KRT10: variants seen among roughly 807,000 people sequenced by gnomAD.
The protein encoded by KRT10 is keratin 10, also known as keratin, type I cytoskeletal 10.
A neutral mutation model predicts 59.2 loss-of-function variants in KRT10; 40 were observed. That is an observed-to-expected ratio of 0.68 (90% CI 0.52 to 0.88). The LOEUF is 0.88. KRT10 is among the 40% of genes least tolerant of loss of function. KRT10 has a pLI of 0.00. For synonymous variants in KRT10, 336 were observed against 310.7 expected, an observed-to-expected ratio of 1.08 and a Z score of -0.86; for missense variants, 719 against 749.1, an observed-to-expected ratio of 0.96 and a Z score of 0.47.
At chr17:40,818,707 A>G in intron 7 of KRT10, 80 bp downstream of exon 7, 1 of 1,593,012 alleles carries the variant, frequency 6.3e-7, no homozygotes, top group Non-Finnish European at 8.5e-7. Context: ...TTTTTAAAAC[A>G]ACTCTAGAGC....
intron 6 of KRT10, 34 bp from the exon 7 acceptor site, chr17:40,819,195 A>G (rs751126642): frequency 6.3e-7 from 1 of 1,594,758 alleles, no homozygotes. Flanking sequence ...GGTTATCTCT[A>G]ACGTTGGAAA....
In KRT10 at chr17:40,819,127, C is replaced by G; in HGVS notation, c.1408G>C (p.Gly470Arg). 1.3e-6 allele frequency: 2 copies of G among 1,532,016 alleles called. No individual in the cohort carries two copies. Among genetic ancestry groups the G allele is most frequent in the Non-Finnish European group, 1.7e-6 (2 of 1,149,672 alleles). 94.9% of individuals were successfully genotyped at this position (1,532,016 alleles called of 1,614,324 possible). Residue 470 changes from glycine to arginine, a missense_variant, in exon 7 of 8, where the codon GGC becomes CGC. By Grantham distance (125) the Gly-to-Arg change is moderately radical. Around this residue, in one of 4 missense-constraint regions of KRT10, gnomAD observed 315 missense variants for 270.6 expected, o/e 1.16. Transcript: ENST00000269576. The part of the protein sequence containing the change: ...GGGGRGGGSF[G>R]GGYGGGSSGG... ...GAGCTTCCGCCGCCGTAGCCGCCGC[C>G]GAAACTTCCGCCGCCGCGTCCGCCG... is the stretch of plus-strand genomic sequence containing the variant.
At position 40,818,954 on chromosome 17, in the gene KRT10, G is replaced by A; in HGVS notation, c.1581C>T (p.Ser527=). ...CGGAACTGCCACCACCGTAGCCGCC[G>A]CTGGAACTGCCGCCGTGGCCGCCGC... ...SSSGGHGGSS[S]GGYGGGSSGG... is the part of the protein sequence containing the mutation. Residue 527 remains serine, a synonymous_variant, in exon 7 of 8, where the codon AGC becomes AGT. Transcript: ENST00000269576. 4 of 1,396,788 alleles carry A rather than the reference G, an allele frequency of 2.9e-6. No individual in the cohort carries two copies. Among genetic ancestry groups the A allele is most frequent in the South Asian group, 1.6e-5 (1 of 64,434 alleles). 86.5% of individuals were successfully genotyped at this position (1,396,788 alleles called of 1,614,324 possible).
chr17:40,819,034 C>A lies in KRT10; in HGVS notation c.1501G>T (p.Gly501Cys). 1.4e-6 allele frequency: 2 copies of A among 1,379,910 alleles called. No individual in the cohort carries two copies. Among genetic ancestry groups the A allele is most frequent in the South Asian group, 3.0e-5 (2 of 66,296 alleles). The allele number at this position is 1,379,910 out of a possible 1,614,324, so 85.5% of individuals were successfully genotyped here. The change falls in exon 7 of 8, where the codon GGC (glycine) becomes TGC (cysteine). Residue 501 changes from glycine (G) to cysteine (C), a missense_variant. Gly to Cys is a radical substitution (Grantham distance 159). Around this residue, in one of 4 missense-constraint regions of KRT10, gnomAD observed 315 missense variants for 270.6 expected, o/e 1.16. Transcript: ENST00000269576. ...HGGSSGGGYG[G>C]GSSGGGSSGG... Reference sequence around the variant, plus strand: ...GAGCTTCCGCCGCCGGAGCTTCCGCCTCCGTAGCCGCCGCCGGAACTGCCG... The same window carrying A: ...GAGCTTCCGCCGCCGGAGCTTCCGCATCCGTAGCCGCCGCCGGAACTGCCG...
At chr17:40,821,259 G>C in intron 1 of KRT10, 142 bp from the exon 2 acceptor site, 1 of 675,038 alleles carries the variant, frequency 1.5e-6, no homozygotes. Context: ...AAATATTGCA[G>C]GCTTACCCAT....
Position 40,820,620 on chromosome 17 carries a change from T to C in KRT10, c.758A>G (p.Asn253Ser), listed in dbSNP as rs1355329816. Residue 253 changes from asparagine to serine, a missense_variant, in exon 3 of 8, where the codon AAC (asparagine) becomes AGC (serine). Asn to Ser is a conservative substitution (Grantham distance 46). Around this residue, in one of 4 missense-constraint regions of KRT10, gnomAD observed 221 missense variants for 277.8 expected, o/e 0.80. Transcript: ENST00000269576. ...ALRQSVEADI[N>S]GLRRVLDELT... The stretch of plus-strand genomic sequence containing the variant: ...CTCATCCAGCACCCTACGCAGGCCG[T>C]TGATGTCAGCCTCCACGCTCTGGCG... The C allele has an allele frequency of 6.2e-7, 1 of 1,614,074 alleles. No homozygotes were observed. Among genetic ancestry groups the C allele is most frequent in the East Asian group, 2.2e-5 (1 of 44,900 alleles).
chr17:40,821,868 A>G, intron 1 of KRT10, 91 bp downstream of exon 1: 2 of 1,340,400 alleles, frequency 1.5e-6, no homozygotes, highest in Non-Finnish European at 2.1e-6. Flanking sequence ...GGGTAAGCAT[A>G]GTGAACAGCC....
chr17:40,822,527 C>G lies in KRT10; in HGVS notation c.59G>C (p.Gly20Ala). 6.2e-7 allele frequency: 1 copy of G among 1,609,706 alleles called. No homozygotes were observed. The highest frequency in any genetic ancestry group is 8.5e-7 in the Non-Finnish European group (1 of 1,179,906). Residue 20 changes from glycine to alanine, a missense_variant, in exon 1 of 8, where the codon GGA becomes GCA. Physicochemically the swap from Gly to Ala is moderately conservative, Grantham distance 60 (BLOSUM62 0). Around this residue, in one of 4 missense-constraint regions of KRT10, gnomAD observed 176 missense variants for 175.7 expected, o/e 1.00. Coordinates refer to ENST00000269576, the MANE Select transcript of KRT10 (RefSeq NM_000421.5). ...HYSSSRSGGGGGGGGCGGGGG... is the reference protein window; with the variant it reads ...HYSSSRSGGGAGGGGCGGGGG... ...TCCTCCTCCACATCCTCCTCCTCCT[C>G]CTCCTCCTCCACTGCGGGAGGAAGA...
At position 40,821,024 on chromosome 17, in the gene KRT10, A is replaced by C; in HGVS notation, c.710+11T>G. 1 of 1,597,802 alleles carries C rather than the reference A, an allele frequency of 6.3e-7. No individual in the cohort carries two copies. The highest frequency in any genetic ancestry group is 8.6e-7 in the Non-Finnish European group (1 of 1,165,170). ...GTTGTGATAGTATTATACAACGATC[A>C]CTTAACTTACTTCAGCCTGAAGTCA... is the stretch of plus-strand genomic sequence containing the variant. On this transcript the variant is annotated intron_variant, in intron 2 of 7. Coordinates refer to ENST00000269576, the MANE Select transcript of KRT10 (RefSeq NM_000421.5).
intron 1 of KRT10, among the ~76,000 whole-genome samples, 189 bp downstream of exon 1, chr17:40,821,770 C>T (rs1040440519): frequency 6.6e-5 from 10 of 152,070 alleles, no homozygotes; most frequent in African/African-American, 1.7e-4. Flanking sequence ...AAGTAGCACA[C>T]TTGCTGGATG....
Position 40,818,883 on chromosome 17 carries a change from C to CCGCCCCCG in KRT10, c.1651_1652insCGGGGGCG (p.Ser551ThrfsTer71). The CCGCCCCCG allele has an allele frequency of 6.5e-7, 1 of 1,529,272 alleles. No homozygotes were observed. Among genetic ancestry groups the CCGCCCCCG allele is most frequent in the Non-Finnish European group, 8.7e-7 (1 of 1,144,142 alleles). The allele number at this position is 1,529,272 out of a possible 1,614,324, so 94.7% of individuals were successfully genotyped here. A position where few individuals can be genotyped will look rare whatever the true frequency, so the allele number is the denominator to read the frequency against. ...GCCGCCGTATCCGCCGCCGGAGCTG[C>CCGCCCCCG]TGCCGCCGCCGGAGCTGCCGCCCCC... On this transcript the variant is annotated frameshift_variant, in exon 7 of 8. Transcript: ENST00000269576. LOFTEE classifies it high-confidence loss of function.
chr17:40,822,512 C>A lies in KRT10; in HGVS notation c.74G>T (p.Cys25Phe), dbSNP rs544264740. The A allele has an allele frequency of 6.2e-7, 1 of 1,611,616 alleles. No homozygotes were observed. Among genetic ancestry groups the A allele is most frequent in the African/African-American group, 1.3e-5 (1 of 74,984 alleles). The change falls in exon 1 of 8, where the codon TGT becomes TTT. Residue 25 changes from cysteine to phenylalanine, a missense_variant. Transcript: ENST00000269576. Reference protein sequence around the residue: ...RSGGGGGGGGCGGGGGVSSLR... With the variant: ...RSGGGGGGGGFGGGGGVSSLR... The stretch of plus-strand genomic sequence containing the variant: ...GGATGACACTCCTCCTCCTCCTCCA[C>A]ATCCTCCTCCTCCTCCTCCTCCTCC...
Position 40,820,617 on chromosome 17 carries a change from C to T in KRT10, c.761G>A (p.Gly254Asp). The change falls in exon 3 of 8, where the codon GGC (glycine) becomes GAC (aspartate). Residue 254 changes from glycine (G) to aspartate (D), a missense_variant. Gly to Asp is a moderately conservative substitution (Grantham distance 94). Around this residue, in one of 4 missense-constraint regions of KRT10, gnomAD observed 221 missense variants for 277.8 expected, o/e 0.80. Coordinates refer to ENST00000269576, the MANE Select transcript of KRT10 (RefSeq NM_000421.5). Reference sequence around the variant, plus strand: ...CAGCTCATCCAGCACCCTACGCAGGCCGTTGATGTCAGCCTCCACGCTCTG... The same window carrying T: ...CAGCTCATCCAGCACCCTACGCAGGTCGTTGATGTCAGCCTCCACGCTCTG... ...LRQSVEADIN[G>D]LRRVLDELTL... The T allele has an allele frequency of 6.2e-7, 1 of 1,614,210 alleles. No individual in the cohort carries two copies. The highest frequency in any genetic ancestry group is 8.5e-7 in the Non-Finnish European group (1 of 1,180,048).
rs1228161740 is a variant in KRT10, at chr17:40,819,053, ACTGCCGCCGTGGCC to A, written c.1468_1481del (p.Gly490PhefsTer86). On this transcript the variant is annotated frameshift_variant, in exon 7 of 8. Transcript: ENST00000269576. LOFTEE classifies it high-confidence loss of function. ...TTCCGCCTCCGTAGCCGCCGCCGGA[ACTGCCGCCGTGGCC>A]GCCGCCGTGGCCGCCGCCGGAGCTT... The A allele has an allele frequency of 5.5e-6, 7 of 1,280,012 alleles. No individual in the cohort carries two copies. In the African/African-American group the frequency reaches 1.4e-4, roughly 26 times the overall value. The allele number at this position is 1,280,012 out of a possible 1,614,324, so 79.3% of individuals were successfully genotyped here.
rs1250298493 is a variant in KRT10 at position 40,818,783 on chromosome 17, T to C, written c.1748+4A>G. The stretch of plus-strand genomic sequence containing the variant: ...TCTGATTACCCCAGCTAGTTTCTGC[T>C]GACCTTGGTCCCTTAGATGAAGACT... On this transcript the variant is annotated splice_donor_region_variant and intron_variant, in intron 7 of 7. Coordinates refer to ENST00000269576, the MANE Select transcript of KRT10 (RefSeq NM_000421.5). 1.9e-6 allele frequency: 3 copies of C among 1,590,164 alleles called. No homozygotes were observed. The highest frequency in any genetic ancestry group is 2.5e-6 in the Non-Finnish European group (3 of 1,176,906).
Position 40,818,493 on chromosome 17 carries a change from G to T in KRT10, c.1749-11C>A. 6.4e-7 allele frequency: 1 copy of T among 1,568,196 alleles called. No individual in the cohort carries two copies. The highest frequency in any genetic ancestry group is 8.8e-7 in the Non-Finnish European group (1 of 1,138,594). On this transcript the variant is annotated splice_polypyrimidine_tract_variant and intron_variant, in intron 7 of 7. Transcript: ENST00000269576. ...TGGTTTTGTTAGTATCTGTGTGAAT[G>T]ATGGAAAAAAAATTTTAAACAGTCT...
chr17:40,821,191 C>T (rs1166750969), intron 1 of KRT10, 74 bp from the exon 2 acceptor site: 2 of 1,057,110 alleles, frequency 1.9e-6, no homozygotes, highest in East Asian at 2.4e-5. Flanking sequence ...TAGATGCACT[C>T]TGCACTTTTA....
intron 1 of KRT10, among the ~76,000 whole-genome samples, chr17:40,821,515 C>A (rs1400488799): frequency 6.6e-6 from 1 of 152,148 alleles, no homozygotes; most frequent in African/African-American, 2.4e-5. Flanking sequence ...ACAATAGGTA[C>A]AATTCAGAAA....
chr17:40,818,962 T>TGCAGCCGTGGCCGCCGCTGGAGCTTCC lies in KRT10; in HGVS notation c.1572_1573insGGAAGCTCCAGCGGCGGCCACGGCTGC (p.Gly524_Ser525insGlySerSerSerGlyGlyHisGlyCys). 1 of 1,323,700 alleles carries TGCAGCCGTGGCCGCCGCTGGAGCTTCC rather than the reference T, an allele frequency of 7.6e-7. No homozygotes were observed. The highest frequency in any genetic ancestry group is 2.8e-5 in the Admixed American group (1 of 35,420). The allele number at this position is 1,323,700 out of a possible 1,614,324, so 82.0% of individuals were successfully genotyped here. On this transcript the variant is annotated inframe_insertion, in exon 7 of 8. Coordinates refer to ENST00000269576, the MANE Select transcript of KRT10 (RefSeq NM_000421.5). ...CCACCACCGTAGCCGCCGCTGGAAC[T>TGCAGCCGTGGCCGCCGCTGGAGCTTCC]GCCGCCGTGGCCGCCGCTGGAGCTT...
Sources: gnomAD v4.1 joint callset for allele counts (sites outside exome capture counted in the v4.1 genomes callset) on GRCh38, gnomAD v4.1.1 for gene constraint, gnomAD v4.1.1 regional missense constraint, MANE v1.5 for transcripts, NCBI Gene and HGNC (gene_info 2026-07-23, HGNC 2026-07-21) for gene names.